Variants in DMD observed in about 807,000 individuals in gnomAD.
The protein encoded by DMD is dystrophin, also known as mutant dystrophin.
A neutral mutation model predicts 330.1 loss-of-function variants in DMD; 63 were observed. The ratio of observed to expected loss-of-function variants is 0.19; its 90% CI spans 0.16 to 0.24. DMD has a LOEUF of 0.24. Among genes scored for constraint, DMD ranks in the 10% least tolerant of loss-of-function variants. The pLI is 1.00. For synonymous variants in DMD, 1,223 were observed against 959.8 expected, an observed-to-expected ratio of 1.27 and a Z score of -5.07; for missense variants, 3,344 against 2,684.1, an observed-to-expected ratio of 1.25 and a Z score of -5.43.
chrX:32,515,666 G>A (rs2045786860), intron 18 of DMD, among the ~76,000 whole-genome samples: 1 of 112,077 alleles, frequency 8.9e-6, no homozygotes, highest in Non-Finnish European at 1.9e-5. Context: ...AAAAGAATGT[G>A]AGAGGTAACT....
In DMD at chrX:32,361,404, T is replaced by C. The variant is rs902125038; in HGVS notation, c.5325+1384A>G. On this transcript the variant is annotated intron_variant, in intron 37 of 78. Transcript: ENST00000357033. ...AGTTCTCTCATGCTGTCTCTCTCCA[T>C]ATGTAGAGAATATAGCCTTTTAAAA... Among the ~76,000 whole-genome samples the C allele has an allele frequency of 6.3e-5, 7 of 111,805 alleles. No individual in the cohort carries two copies. In the East Asian group the frequency reaches 1.1e-3, roughly 18 times the overall value.
intron 16 of DMD, among the ~76,000 whole-genome samples, chrX:32,550,518 G>T (rs1041988834): frequency 1.8e-5 from 2 of 110,759 alleles, no homozygotes; most frequent in Admixed American, 9.7e-5. Context: ...CTTATGGCAC[G>T]AAACACCCAT....
chrX:31,550,125 T>C (rs760524988), intron 55 of DMD, among the ~76,000 whole-genome samples: 1 of 111,483 alleles, frequency 9.0e-6, no homozygotes, highest in Non-Finnish European at 1.9e-5. Context: ...ACTTCAGGAA[T>C]TCCCTGGAGA....
intron 44 of DMD, among the ~76,000 whole-genome samples, chrX:32,131,641 G>A (rs1861087593): frequency 8.9e-6 from 1 of 112,180 alleles, no homozygotes; most frequent in Non-Finnish European, 1.9e-5. Context: ...AGTCAGGGAT[G>A]GTCATTAGTG....
chrX:31,473,397 T>C (rs1354362790), intron 59 of DMD, among the ~76,000 whole-genome samples: 1 of 100,969 alleles, frequency 9.9e-6, no homozygotes, highest in Non-Finnish European at 2.0e-5. Flanking sequence ...AGAGAAACCA[T>C]GGTTTATTAA....
intron 2 of DMD, among the ~76,000 whole-genome samples, chrX:32,975,773 AT>A (rs767717511): frequency 9.0e-6 from 1 of 111,598 alleles, no homozygotes; most frequent in African/African-American, 3.3e-5. Context: ...CATGAGAATG[AT>A]AGTAAGGTGT....
intron 60 of DMD, among the ~76,000 whole-genome samples, chrX:31,363,466 C>T (rs1009927091): frequency 1.9e-5 from 2 of 103,859 alleles, no homozygotes; most frequent in Admixed American, 2.1e-4. Context: ...CTGCAACTTC[C>T]GCTTCCCGGG....
intron 15 of DMD, among the ~76,000 whole-genome samples, chrX:32,569,992 T>C (rs755088067): frequency 8.9e-6 from 1 of 111,734 alleles, no homozygotes; most frequent in Non-Finnish European, 1.9e-5. Flanking sequence ...GCCAAATCAG[T>C]TTAAAACTTA....
At chrX:32,054,090 A>T (rs775687159) in intron 44 of DMD, among the ~76,000 whole-genome samples, 306 of 29,284 alleles carry the variant, frequency 0.01, no homozygotes, top group East Asian at 0.034. Flanking sequence ...TGTGTGTGTG[A>T]GAGAGAGAGA....
Position 33,009,564 on chromosome X carries a change from GTA to G in DMD, c.93+10573_93+10574del, listed in dbSNP as rs749336097. ...TATATACACATATGTGTGTATGTGTGTATGTGTATATACACATATGTGTGTAT... is the reference window on the plus strand; with the variant it reads ...TATATACACATATGTGTGTATGTGTGTGTGTATATACACATATGTGTGTAT... On this transcript the variant is annotated intron_variant, in intron 2 of 78. Transcript: ENST00000357033. Among the ~76,000 whole-genome samples, 3 of 38,115 alleles carry G rather than the reference GTA, an allele frequency of 7.9e-5. 1 individual carries two copies. The East Asian group carries it at 3.9e-3, about 50-fold the overall frequency. 33.1% of individuals were successfully genotyped at this position (38,115 alleles called of 115,157 possible).
At chrX:31,501,967 A>G (rs1368839435) in intron 56 of DMD, among the ~76,000 whole-genome samples, 1 of 111,595 alleles carries the variant, frequency 9.0e-6, no homozygotes, top group East Asian at 2.8e-4. Flanking sequence ...AAACGAATCC[A>G]CACACCTACA....
chrX:32,776,868 C>G (rs1361413633), intron 7 of DMD, among the ~76,000 whole-genome samples: 1 of 111,921 alleles, frequency 8.9e-6, no homozygotes, highest in Non-Finnish European at 1.9e-5. Flanking sequence ...ATTAAACAAA[C>G]TCATCCAACC....
rs768939045 is a variant in DMD at position 31,574,712 on chromosome X, T to C, written c.8217+52961A>G. ...TCCCTCATTTAATTATAACATGGTC[T>C]GTTAACTTGCAACCCTCTATTTGAT... On this transcript the variant is annotated intron_variant, in intron 55 of 78. Transcript: ENST00000357033. Among the ~76,000 whole-genome samples, 65 of 111,667 alleles carry C rather than the reference T, an allele frequency of 5.8e-4. 1 individual carries two copies. Among genetic ancestry groups the C allele is most frequent in the Non-Finnish European group, 8.8e-4 (47 of 53,115 alleles).
chrX:32,560,909 T>G (rs2050926898), intron 16 of DMD, among the ~76,000 whole-genome samples: 1 of 112,023 alleles, frequency 8.9e-6, no homozygotes, highest in African/African-American at 3.2e-5. Context: ...TACAAATGCA[T>G]GTATCTTTAT....
intron 44 of DMD, among the ~76,000 whole-genome samples, chrX:32,205,453 A>C (rs1321433804): frequency 1.8e-5 from 2 of 109,307 alleles, no homozygotes; most frequent in Admixed American, 2.0e-4. Flanking sequence ...TCTTCTGGCT[A>C]GTTACTCTTT....
chrX:32,554,148 G>A (rs1273124638), intron 16 of DMD, among the ~76,000 whole-genome samples: 1 of 111,953 alleles, frequency 8.9e-6, no homozygotes, highest in Non-Finnish European at 1.9e-5. Context: ...TGTTAAGAGG[G>A]AAATTTATAG....
At chrX:33,307,354 TAA>T (rs1421835125) in intron 1 of DMD, among the ~76,000 whole-genome samples, 1 of 111,984 alleles carries the variant, frequency 8.9e-6, no homozygotes, top group African/African-American at 3.2e-5. Flanking sequence ...AATAAATAAA[TAA>T]AAGAGTTTGA....
chrX:31,930,486 G>A (rs12115855), intron 46 of DMD, among the ~76,000 whole-genome samples: 4,956 of 110,759 alleles, frequency 0.045, 282 homozygotes, highest in African/African-American at 0.15. Context: ...AATCACCATG[G>A]TGTTAACACT....
chrX:32,082,222 A>C (rs775815499), intron 44 of DMD, among the ~76,000 whole-genome samples: 1 of 111,251 alleles, frequency 9.0e-6, no homozygotes, highest in South Asian at 3.8e-4. Flanking sequence ...ATTACATCTA[A>C]AAAGTATGCC....
Sources: gnomAD v4.1 joint callset for allele counts (sites outside exome capture counted in the v4.1 genomes callset) on GRCh38, gnomAD v4.1.1 for gene constraint, MANE v1.5 for transcripts, NCBI Gene and HGNC (gene_info 2026-07-23, HGNC 2026-07-21) for gene names.